Variants in SLC35E1 observed in about 807,000 individuals in gnomAD.
The protein encoded by SLC35E1 is solute carrier family 35, member E1.
A neutral mutation model predicts 31.0 loss-of-function variants in SLC35E1; 12 were observed. That is an observed-to-expected ratio of 0.39 (90% CI 0.25 to 0.63). SLC35E1 has a LOEUF of 0.63. SLC35E1 is among the 20% of genes least tolerant of loss of function. SLC35E1 has a pLI of 0.52. For missense variants in SLC35E1, 429 were observed against 572.2 expected (o/e 0.75, Z 2.55); for synonymous variants, 257 against 264.1 (o/e 0.97, Z 0.26).
At chr19:16,560,867 CA>C (rs370428585) in intron 4 of SLC35E1, among the ~76,000 whole-genome samples, 24,533 of 67,886 alleles carry the variant, frequency 0.36, 2,189 homozygotes, top group African/African-American at 0.51. Flanking sequence ...ATCTCAAAAA[CA>C]AAAAAAAAAA....
chr19:16,554,690 C>T (rs1032415179), intron 5 of SLC35E1, among the ~76,000 whole-genome samples: 2 of 151,694 alleles, frequency 1.3e-5, no homozygotes, highest in African/African-American at 4.8e-5. Flanking sequence ...GTGTGGTAGG[C>T]GCCTGTAGTC....
chr19:16,564,744 G>A (rs1020953166), intron 4 of SLC35E1, among the ~76,000 whole-genome samples: 3 of 152,212 alleles, frequency 2.0e-5, no homozygotes, highest in Non-Finnish European at 4.4e-5. Flanking sequence ...AACATTTGGA[G>A]TAAGCTCCAA....
chr19:16,560,867 C>CAAAAACAAAAAACCAAAAAAAAAAAAAA (rs1568272912), intron 4 of SLC35E1, among the ~76,000 whole-genome samples: 1 of 67,580 alleles, frequency 1.5e-5, no homozygotes, highest in African/African-American at 5.0e-5. Context: ...ATCTCAAAAA[C>CAAAAACAAAAAACCAAAAAAAAAAAAAA]AAAAAAAAAA....
chr19:16,558,769 G>GTT (rs560656652), intron 4 of SLC35E1, among the ~76,000 whole-genome samples: 59 of 130,932 alleles, frequency 4.5e-4, no homozygotes, highest in Non-Finnish European at 4.8e-4. Context: ...CATCCCTTGA[G>GTT]TTTTTTTTTT....
intron 4 of SLC35E1, among the ~76,000 whole-genome samples, chr19:16,564,759 C>T (rs1386442096): frequency 6.6e-6 from 1 of 152,234 alleles, no homozygotes; most frequent in Non-Finnish European, 1.5e-5. Flanking sequence ...CTCCAACTCT[C>T]TATCCTGAAA....
At chr19:16,571,120 A>G (rs570879788) in intron 2 of SLC35E1, among the ~76,000 whole-genome samples, 2 of 150,666 alleles carry the variant, frequency 1.3e-5, no homozygotes, top group Non-Finnish European at 3.0e-5. Context: ...AAAAGTGAAC[A>G]CCTAACCGAC....
intron 2 of SLC35E1, among the ~76,000 whole-genome samples, chr19:16,571,198 G>A (rs1444153749): frequency 1.3e-5 from 2 of 152,034 alleles, no homozygotes; most frequent in African/African-American, 4.8e-5. Flanking sequence ...GCCAAGATGT[G>A]ACCAACCCAT....
rs1224784102 is a variant in SLC35E1 at position 16,552,322 on chromosome 19, A to ACC, written c.*1355_*1356dup. The ACC allele has an allele frequency of 2.0e-5, 3 of 151,522 alleles. No homozygotes were observed. Among genetic ancestry groups the ACC allele is most frequent in the Non-Finnish European group, 4.4e-5 (3 of 67,878 alleles). 9.4% of individuals were successfully genotyped at this position (151,522 alleles called of 1,614,324 possible). A position where few individuals can be genotyped will look rare whatever the true frequency, so the allele number is the denominator to read the frequency against. On this transcript the variant is annotated 3_prime_UTR_variant, in exon 6 of 6. Coordinates refer to ENST00000595753, the MANE Select transcript of SLC35E1 (RefSeq NM_024881.5). ...TACCAAAACGTGTCAGACAGGCATCACCAGTGGGAACTTGGTTTTGTTTTG... is the reference window on the plus strand; with the variant it reads ...TACCAAAACGTGTCAGACAGGCATCACCCCAGTGGGAACTTGGTTTTGTTTTG...
chr19:16,567,172 C>T (rs2085936504), intron 3 of SLC35E1, among the ~76,000 whole-genome samples: 3 of 152,190 alleles, frequency 2.0e-5, no homozygotes, highest in African/African-American at 2.4e-5. Flanking sequence ...GTGATTATCA[C>T]AGGAGTTAAG....
Position 16,572,087 on chromosome 19 carries a change from G to A in SLC35E1, c.278C>T (p.Pro93Leu). 5 of 1,530,696 alleles carry A rather than the reference G, an allele frequency of 3.3e-6. No homozygotes were observed. Among genetic ancestry groups the A allele is most frequent in the Non-Finnish European group, 4.4e-6 (5 of 1,139,000 alleles). The allele number at this position is 1,530,696 out of a possible 1,614,324, so 94.8% of individuals were successfully genotyped here. ...CGGGCCGGACGACGGATGCGGACTG[G>A]GTCCGGGGCCCGAGACGGGCGGCGC... Reference protein sequence around the residue: ...PPAPPVSGPGPSPHPSSGPLL... With the variant: ...PPAPPVSGPGLSPHPSSGPLL... The change falls in exon 1 of 6, where the codon CCC becomes CTC. Residue 93 changes from proline (P) to leucine (L), a missense_variant. By Grantham distance (98) the Pro-to-Leu change is moderately conservative. Coordinates refer to ENST00000595753, the MANE Select transcript of SLC35E1 (RefSeq NM_024881.5). The surrounding 1 kb of genome is among the most constrained non-coding windows in gnomAD (Gnocchi z 4.1).
rs935637000 is a variant in SLC35E1 at position 16,555,825 on chromosome 19, G to A, written c.757-428C>T. ...AAGTACCTGGTAATACGAAAGCCACGGGTCTGCACCTATTGCTGCGAGGAT... is the reference window on the plus strand; with the variant it reads ...AAGTACCTGGTAATACGAAAGCCACAGGTCTGCACCTATTGCTGCGAGGAT... On this transcript the variant is annotated intron_variant, in intron 4 of 5. Transcript: ENST00000595753. This position sits in a 1 kb window ranked among gnomAD's most constrained non-coding sequence, Gnocchi z 4.1. 2 of 181,426 alleles carry A rather than the reference G, an allele frequency of 1.1e-5. No individual in the cohort carries two copies. The highest frequency in any genetic ancestry group is 2.3e-5 in the Non-Finnish European group (2 of 88,374). 11.2% of individuals were successfully genotyped at this position (181,426 alleles called of 1,614,324 possible). A position where few individuals can be genotyped will look rare whatever the true frequency, so the allele number is the denominator to read the frequency against.
chr19:16,558,659 T>C (rs556011691), intron 4 of SLC35E1, among the ~76,000 whole-genome samples: 1 of 152,296 alleles, frequency 6.6e-6, no homozygotes, highest in Non-Finnish European at 1.5e-5. Context: ...CATTGTCTTC[T>C]GATCTAATTT....
intron 3 of SLC35E1, among the ~76,000 whole-genome samples, chr19:16,567,342 T>G (rs1006217135): frequency 3.3e-5 from 5 of 151,928 alleles, no homozygotes; most frequent in African/African-American, 1.2e-4. Flanking sequence ...TAAAATCTTG[T>G]TTTAAATTGA....
At chr19:16,567,749 T>C (rs911202966) in intron 3 of SLC35E1, among the ~76,000 whole-genome samples, 26 of 152,076 alleles carry the variant, frequency 1.7e-4, no homozygotes, top group Non-Finnish European at 2.1e-4. Flanking sequence ...AGATGGGGTT[T>C]TGCCATATTG....
chr19:16,572,085 T>C lies in SLC35E1; in HGVS notation c.280A>G (p.Ser94Gly), dbSNP rs1486266504. Residue 94 changes from serine (S) to glycine (G), a missense_variant, in exon 1 of 6, where the codon AGT becomes GGT. By Grantham distance (56) the Ser-to-Gly change is moderately conservative (BLOSUM62 0). Transcript: ENST00000595753. The surrounding 1 kb of genome is among the most constrained non-coding windows in gnomAD (Gnocchi z 4.1). ...PAPPVSGPGP[S>G]PHPSSGPLLP... ...AGCGGGCCGGACGACGGATGCGGAC[T>C]GGGTCCGGGGCCCGAGACGGGCGGC... The C allele has an allele frequency of 1.3e-6, 2 of 1,534,700 alleles. No homozygotes were observed. Among genetic ancestry groups the C allele is most frequent in the South Asian group, 1.2e-5 (1 of 83,140 alleles).
At chr19:16,562,628 T>TGTTG (rs1448375735) in intron 4 of SLC35E1, among the ~76,000 whole-genome samples, 7 of 151,978 alleles carry the variant, frequency 4.6e-5, no homozygotes, top group Non-Finnish European at 7.4e-5. Flanking sequence ...TATAGTATTT[T>TGTTG]GTTTTTCTAC....
At chr19:16,561,342 ATC>A (rs2085905808) in intron 4 of SLC35E1, among the ~76,000 whole-genome samples, 1 of 151,580 alleles carries the variant, frequency 6.6e-6, no homozygotes, top group Non-Finnish European at 1.5e-5. Flanking sequence ...AGCAGAGAAC[ATC>A]TCTGTTCTCA....
In SLC35E1 at chr19:16,555,152, C is replaced by A; in HGVS notation, c.1002G>T (p.Lys334Asn). Residue 334 changes from lysine (K) to asparagine (N), a missense_variant and splice_region_variant, in exon 5 of 6, where the codon AAG becomes AAT. Physicochemically the swap from Lys to Asn is moderately conservative, Grantham distance 94. Coordinates refer to ENST00000595753, the MANE Select transcript of SLC35E1 (RefSeq NM_024881.5). The surrounding 1 kb of genome is among the most constrained non-coding windows in gnomAD (Gnocchi z 4.1). ...CCTGCCCAGCCTCTCAGACTCTCAC[C>A]TTGTTATAGAGGAAGACCCCCAGGA... Reference protein sequence around the residue: ...TAILGVFLYNKTKYDANQQAR... With the variant: ...TAILGVFLYNNTKYDANQQAR... 1 of 1,614,058 alleles carries A rather than the reference C, an allele frequency of 6.2e-7. No individual in the cohort carries two copies. Among genetic ancestry groups the A allele is most frequent in the South Asian group, 1.1e-5 (1 of 91,068 alleles).
At chr19:16,570,589 G>A (rs2085952724) in intron 2 of SLC35E1, among the ~76,000 whole-genome samples, 1 of 152,178 alleles carries the variant, frequency 6.6e-6, no homozygotes, top group South Asian at 2.1e-4. Flanking sequence ...AAATACCCTG[G>A]CTTGGCATCT....
Sources: gnomAD v4.1 joint callset for allele counts (sites outside exome capture counted in the v4.1 genomes callset) on GRCh38, gnomAD v4.1.1 for gene constraint, Gnocchi (gnomAD v3.1) non-coding constraint, MANE v1.5 for transcripts, NCBI Gene and HGNC (gene_info 2026-07-23, HGNC 2026-07-21) for gene names.